The following KAZN variants were observed in gnomAD, a reference collection of about 807,000 sequenced individuals.
KAZN encodes kazrin, periplakin interacting protein, also known as kazrin.
KAZN carries 40 observed loss-of-function variants against 87.4 expected under a neutral mutation model. That is an observed-to-expected ratio of 0.46 (90% CI 0.36 to 0.60). The LOEUF is 0.60. Ranked by LOEUF, KAZN falls within the 20% of genes least tolerant of loss-of-function variation. The pLI, the probability that KAZN is intolerant of heterozygous loss-of-function variation, is 0.00. For synonymous variants in KAZN, 466 were observed against 458.3 expected (o/e 1.02, Z -0.22); for missense variants, 898 against 1,073.9 (o/e 0.84, Z 2.29).
chr1:14,812,249 C>T (rs1646434836), intron 1 of KAZN, among the ~76,000 whole-genome samples: 1 of 152,196 alleles, frequency 6.6e-6, no homozygotes, highest in Non-Finnish European at 1.5e-5. Flanking sequence ...CAGGTGGACT[C>T]AGTCCCACAC....
chr1:13,954,754 T>C lies in KAZN; in HGVS notation c.91+60998T>C, dbSNP rs145041338. On this transcript the variant is annotated intron_variant, in intron 1 of 16. Transcript: ENST00000636203. ...TACCTCCATGCAATTGCCCATAATT[T>C]ATCCCTGTAATACATTCTTCCATAT... 5.3e-5 allele frequency among the ~76,000 whole-genome samples: 8 copies of C among 152,326 alleles called. No individual in the cohort carries two copies. The East Asian group carries it at 1.5e-3, about 29-fold the overall frequency.
At chr1:14,223,823 C>A (rs918293110) in intron 2 of KAZN, among the ~76,000 whole-genome samples, 1 of 152,152 alleles carries the variant, frequency 6.6e-6, no homozygotes, top group African/African-American at 2.4e-5. Context: ...ACCCTGGGTC[C>A]AATCTGCTAT....
chr1:13,954,535 C>T lies in KAZN; in HGVS notation c.91+60779C>T, dbSNP rs1035664029. 2.6e-4 allele frequency among the ~76,000 whole-genome samples: 39 copies of T among 151,984 alleles called. 1 individual carries two copies. The highest frequency in any genetic ancestry group is 3.7e-4 in the Non-Finnish European group (25 of 68,004). ...TACTCAAAACAACATAGAAGCATGG[C>T]AAAGAAGATGGGAAAATTTCATAGG... On this transcript the variant is annotated intron_variant, in intron 1 of 16. Coordinates refer to the KAZN transcript ENST00000636203.
chr1:14,771,851 G>A (rs377676215), intron 1 of KAZN, among the ~76,000 whole-genome samples: 4 of 151,924 alleles, frequency 2.6e-5, no homozygotes, highest in South Asian at 2.1e-4. Context: ...AAAAATAAAT[G>A]CCTAATAAAG....
chr1:15,046,052 C>T (rs1420707251), intron 4 of KAZN, among the ~76,000 whole-genome samples: 1 of 152,154 alleles, frequency 6.6e-6, no homozygotes, highest in African/African-American at 2.4e-5. Flanking sequence ...AATCGCAGCA[C>T]TTTGGGAGAC....
intron 2 of KAZN, among the ~76,000 whole-genome samples, chr1:14,542,254 T>A (rs373813148): frequency 2.6e-4 from 32 of 121,640 alleles, no homozygotes; most frequent in Middle Eastern, 0.014. Context: ...TGAGAACACA[T>A]GGACACAGGA....
intron 13 of KAZN, among the ~76,000 whole-genome samples, chr1:15,105,952 T>C (rs1641280593): frequency 6.6e-6 from 1 of 152,134 alleles, no homozygotes; most frequent in South Asian, 2.1e-4. Context: ...TTTAGCATTT[T>C]GGGGTGCTTC....
intron 2 of KAZN, among the ~76,000 whole-genome samples, chr1:14,965,067 G>C (rs558783720): frequency 2.7e-5 from 4 of 150,080 alleles, no homozygotes; most frequent in Non-Finnish European, 5.9e-5. Context: ...GTCTCACTCT[G>C]TCATCCAGGC....
chr1:14,295,223 C>T (rs1273777230), intron 2 of KAZN, among the ~76,000 whole-genome samples: 1 of 152,204 alleles, frequency 6.6e-6, no homozygotes, highest in Non-Finnish European at 1.5e-5. Flanking sequence ...GCCCTGATGA[C>T]ATTTCTGTCT....
At chr1:14,388,015 G>A (rs1402866201) in intron 2 of KAZN, among the ~76,000 whole-genome samples, 1 of 152,210 alleles carries the variant, frequency 6.6e-6, no homozygotes, top group African/African-American at 2.4e-5. Flanking sequence ...ATAATCTCCT[G>A]GTGTGCCGTT....
At chr1:13,936,200 G>C (rs1258955557) in intron 1 of KAZN, among the ~76,000 whole-genome samples, 1 of 140,828 alleles carries the variant, frequency 7.1e-6, no homozygotes, top group Non-Finnish European at 1.5e-5. Context: ...AGGTTCAAGC[G>C]ATTCTCGTGC....
chr1:14,710,856 C>G (rs1642447527), intron 1 of KAZN, among the ~76,000 whole-genome samples: 1 of 152,196 alleles, frequency 6.6e-6, no homozygotes, highest in Admixed American at 6.5e-5. Context: ...GGACTGGGAA[C>G]AGTGCCTGGC....
chr1:14,597,224 C>T (rs955623419), upstream of KAZN, among the ~76,000 whole-genome samples: 1 of 152,226 alleles, frequency 6.6e-6, no homozygotes, highest in Non-Finnish European at 1.5e-5. Flanking sequence ...CGAACTGACC[C>T]ATTAGCTGAG....
chr1:14,292,800 TC>T (rs1242936469), intron 2 of KAZN, among the ~76,000 whole-genome samples: 2 of 152,214 alleles, frequency 1.3e-5, no homozygotes, highest in African/African-American at 4.8e-5. Context: ...GAGAGCGGCT[TC>T]CTTCTCAGTG....
intron 1 of KAZN, among the ~76,000 whole-genome samples, chr1:14,136,195 C>T (rs1645105672): frequency 6.6e-6 from 1 of 152,158 alleles, no homozygotes; most frequent in Admixed American, 6.5e-5. Context: ...TGTACTGAAT[C>T]TCCCATGGAG....
chr1:14,398,823 G>A (rs546458871), intron 2 of KAZN, among the ~76,000 whole-genome samples: 1 of 152,264 alleles, frequency 6.6e-6, no homozygotes, highest in South Asian at 2.1e-4. Flanking sequence ...GCACTCTGAA[G>A]GGTGCAGGAC....
At chr1:14,004,348 A>T (rs975268538) in intron 1 of KAZN, among the ~76,000 whole-genome samples, 2 of 152,250 alleles carry the variant, frequency 1.3e-5, no homozygotes, top group African/African-American at 4.8e-5. Context: ...ATTCCTATAG[A>T]CATAACCATC....
intron 2 of KAZN, among the ~76,000 whole-genome samples, chr1:14,257,805 AG>A (rs1416291833): frequency 3.0e-5 from 1 of 33,012 alleles, no homozygotes; most frequent in Non-Finnish European, 5.2e-5. Flanking sequence ...GGGTCGGGGG[AG>A]GGGGGAGGGA....
At chr1:15,098,625 C>G (rs1290258280) in intron 10 of KAZN, among the ~76,000 whole-genome samples, 2 of 152,258 alleles carry the variant, frequency 1.3e-5, no homozygotes, top group Admixed American at 1.3e-4. Flanking sequence ...GGGCTGTGGG[C>G]TCCAGCTCCT....
Sources: gnomAD v4.1 joint callset for allele counts (sites outside exome capture counted in the v4.1 genomes callset) on GRCh38, gnomAD v4.1.1 for gene constraint, MANE v1.5 for transcripts, NCBI Gene and HGNC (gene_info 2026-07-23, HGNC 2026-07-21) for gene names.